Variants in MAP3K13 observed in about 807,000 individuals in gnomAD.
MAP3K13 encodes the protein leucine zipper-bearing kinase.
In MAP3K13, 52 loss-of-function variants were observed where a neutral mutation model predicts 104.0. That is an observed-to-expected ratio of 0.50 (90% CI 0.40 to 0.63). The LOEUF (loss-of-function observed/expected upper bound fraction) is 0.63. Among genes scored for constraint, MAP3K13 ranks in the 20% least tolerant of loss-of-function variants. The pLI is 0.00. For missense variants in MAP3K13, 914 were observed against 1,218.5 expected (o/e 0.75, Z 3.72); for synonymous variants, 394 against 442.2 (o/e 0.89, Z 1.37).
At chr3:185,440,913 T>C (rs1010386222) in intron 3 of MAP3K13, among the ~76,000 whole-genome samples, 2 of 152,254 alleles carry the variant, frequency 1.3e-5, no homozygotes, top group African/African-American at 4.8e-5. Context: ...ATAGTAATTT[T>C]TCTTCTCATC....
chr3:185,317,659 T>C (rs6792577), intron 2 of MAP3K13, among the ~76,000 whole-genome samples: 104,645 of 152,016 alleles, frequency 0.69, 37,289 homozygotes, highest in Non-Finnish European at 0.79. Context: ...AGAGTAAATT[T>C]CTTGAAGTGG....
intron 2 of MAP3K13, among the ~76,000 whole-genome samples, chr3:185,357,966 G>A (rs1243294069): frequency 6.6e-6 from 1 of 152,082 alleles, no homozygotes; most frequent in Non-Finnish European, 1.5e-5. Flanking sequence ...TTAATATAAA[G>A]ATGACTGTAG....
chr3:185,466,658 TGAGCCACC>T (rs1220419489), intron 9 of MAP3K13, among the ~76,000 whole-genome samples, 160 bp from the exon 10 acceptor site: 1 of 152,182 alleles, frequency 6.6e-6, no homozygotes, highest in East Asian at 1.9e-4. Context: ...ATTACATGCC[TGAGCCACC>T]GAGCCCGGCT....
chr3:185,432,019 AC>A (rs1714768368), intron 2 of MAP3K13, among the ~76,000 whole-genome samples: 1 of 149,316 alleles, frequency 6.7e-6, no homozygotes, highest in Non-Finnish European at 1.5e-5. Context: ...TTTTCCCTCC[AC>A]CCCCTGGCCC....
At chr3:185,416,498 G>C (rs146030304) in intron 1 of MAP3K13, among the ~76,000 whole-genome samples, 198 of 152,034 alleles carry the variant, frequency 1.3e-3, no homozygotes, top group African/African-American at 4.6e-3. Flanking sequence ...TTATGGCGAG[G>C]TTAGTGATTA....
chr3:185,450,951 C>A lies in MAP3K13; in HGVS notation c.1170-336C>A, dbSNP rs1053567118. On this transcript the variant is annotated intron_variant, in intron 6 of 13. Transcript: ENST00000265026. The surrounding 1 kb of genome is among the most constrained non-coding windows in gnomAD (Gnocchi z 4.2). ...AAAAATACAAAAAAATTAGCCAGGT[C>A]TGGTGGCGGGTGCCTGTAGTCCCAG... Among the ~76,000 whole-genome samples, 1 of 152,026 alleles carries A rather than the reference C, an allele frequency of 6.6e-6. No homozygotes were observed. Among genetic ancestry groups the A allele is most frequent in the Non-Finnish European group, 1.5e-5 (1 of 68,012 alleles).
intron 2 of MAP3K13, among the ~76,000 whole-genome samples, chr3:185,322,698 A>G (rs909907844): frequency 3.9e-5 from 6 of 152,158 alleles, no homozygotes; most frequent in Non-Finnish European, 8.8e-5. Flanking sequence ...ACTCACTCTC[A>G]CATCCCCGGT....
intron 1 of MAP3K13, among the ~76,000 whole-genome samples, chr3:185,368,792 A>C (rs960052325): frequency 6.6e-6 from 1 of 152,132 alleles, no homozygotes; most frequent in African/African-American, 2.4e-5. Context: ...CCCTGTCTCT[A>C]CTAAAAATAC....
At chr3:185,454,856 C>T (rs200944120) in intron 7 of MAP3K13, among the ~76,000 whole-genome samples, 3,471 of 17,054 alleles carry the variant, frequency 0.2, 785 homozygotes, top group Non-Finnish European at 0.3. Context: ...GAGATATATA[C>T]ATGATATATA....
rs78515028 is a variant in MAP3K13 at position 185,312,443 on chromosome 3, G to A, written c.-86+26800G>A. Among the ~76,000 whole-genome samples, 203 of 152,330 alleles carry A rather than the reference G, an allele frequency of 1.3e-3. 1 individual carries two copies. Among genetic ancestry groups the A allele is most frequent in the Non-Finnish European group, 2.5e-3 (173 of 68,028 alleles). Reference sequence around the variant, plus strand: ...TTACCCCTCTGGTTCTATCTCAGCAGGATTCTGTTGGGGATTTTAATGTTT... The same window carrying A: ...TTACCCCTCTGGTTCTATCTCAGCAAGATTCTGTTGGGGATTTTAATGTTT... On this transcript the variant is annotated intron_variant, in intron 2 of 14. Coordinates refer to the MAP3K13 transcript ENST00000424227.
intron 2 of MAP3K13, chr3:185,291,883 G>C: frequency 9.0e-7 from 1 of 1,107,606 alleles, no homozygotes; most frequent in Non-Finnish European, 1.1e-6. Context: ...TTAGACTAGA[G>C]CCAAGGAGAC....
intron 2 of MAP3K13, among the ~76,000 whole-genome samples, chr3:185,293,729 G>T (rs552931997): frequency 6.6e-6 from 1 of 152,266 alleles, no homozygotes; most frequent in East Asian, 1.9e-4. Context: ...CCGCCCATCA[G>T]TTGCTGTTCT....
rs910999774 is a variant in MAP3K13 at position 185,304,124 on chromosome 3, C to T, written c.-86+18481C>T. Reference sequence around the variant, plus strand: ...TATTTTACACATATTTGTGAGTTTTCCAGTTTTCCTTTTGCTGTTGATTTC... The same window carrying T: ...TATTTTACACATATTTGTGAGTTTTTCAGTTTTCCTTTTGCTGTTGATTTC... On this transcript the variant is annotated intron_variant, in intron 2 of 14. Coordinates refer to the MAP3K13 transcript ENST00000424227. Among the ~76,000 whole-genome samples the T allele has an allele frequency of 2.6e-5, 4 of 152,260 alleles. No homozygotes were observed. The South Asian group carries it at 6.2e-4, about 24-fold the overall frequency.
At chr3:185,430,854 A>G (rs1258691847) in intron 2 of MAP3K13, among the ~76,000 whole-genome samples, 2 of 152,204 alleles carry the variant, frequency 1.3e-5, no homozygotes, top group South Asian at 2.1e-4. Flanking sequence ...TACTGTATTA[A>G]TCCATGTTCA....
chr3:185,416,641 AT>A (rs913622210), intron 1 of MAP3K13, among the ~76,000 whole-genome samples: 3 of 152,034 alleles, frequency 2.0e-5, no homozygotes, highest in African/African-American at 7.2e-5. Flanking sequence ...TAATAGCACT[AT>A]TTTTTTGAGA....
At chr3:185,344,898 T>TC in intron 2 of MAP3K13, among the ~76,000 whole-genome samples, 1 of 152,028 alleles carries the variant, frequency 6.6e-6, no homozygotes, top group Non-Finnish European at 1.5e-5. Flanking sequence ...TTTTTTTTTT[T>TC]TGAGACAGAG....
upstream of MAP3K13, chr3:185,282,976 A>C (rs575053758): frequency 1.8e-3 from 268 of 152,320 alleles, 12 homozygotes; most frequent in South Asian, 0.054. Flanking sequence ...GGGTGACGCC[A>C]TGGGTGGGGC....
At chr3:185,318,358 T>C (rs1721750057) in intron 2 of MAP3K13, among the ~76,000 whole-genome samples, 1 of 152,260 alleles carries the variant, frequency 6.6e-6, no homozygotes, top group African/African-American at 2.4e-5. Flanking sequence ...AGACAGTCAT[T>C]TGACTAAGCA....
At chr3:185,285,537 T>C (rs1376904046) in exon 2 of MAP3K13, 4 of 1,297,892 alleles carry the variant, frequency 3.1e-6, no homozygotes, top group Non-Finnish European at 4.3e-6. Flanking sequence ...CACTGAAATC[T>C]ATGGACTCTA....
Sources: allele counts gnomAD v4.1 joint callset (sites outside exome capture counted in the v4.1 genomes callset), GRCh38; gene constraint gnomAD v4.1.1; non-coding constraint Gnocchi (gnomAD v3.1); transcripts MANE v1.5; gene names NCBI Gene and HGNC (gene_info 2026-07-23, HGNC 2026-07-21).